TSHR: variants seen among roughly 807,000 people sequenced by gnomAD.
The protein encoded by TSHR is thyroid stimulating hormone receptor.
TSHR carries 51 observed loss-of-function variants against 64.1 expected under a neutral mutation model. The ratio of observed to expected loss-of-function variants is 0.80; its 90% CI spans 0.64 to 1.01. The LOEUF (loss-of-function observed/expected upper bound fraction) is 1.01, where lower values mean the gene tolerates loss of function less well. Ranked by LOEUF, TSHR falls within the 50% of genes least tolerant of loss-of-function variation. The pLI is 0.00. For synonymous variants in TSHR, 361 were observed against 361.9 expected (o/e 1.00, Z 0.03); for missense variants, 877 against 942.8 (o/e 0.93, Z 0.91).
chr14:80,994,670 T>G (rs572690999), intron 1 of TSHR: 17 of 152,338 alleles, frequency 1.1e-4, no homozygotes, highest in African/African-American at 3.6e-4. Context: ...GATATCTGGC[T>G]AGCCATATGC....
At chr14:81,020,450 C>A (rs1285644967) in intron 1 of TSHR, among the ~76,000 whole-genome samples, 1 of 152,170 alleles carries the variant, frequency 6.6e-6, no homozygotes, top group Non-Finnish European at 1.5e-5. Context: ...TCAGCAGTGG[C>A]ATTAGATTCT....
At chr14:81,127,759 T>C (rs947402172) in intron 8 of TSHR, among the ~76,000 whole-genome samples, 7 of 152,206 alleles carry the variant, frequency 4.6e-5, no homozygotes, top group Non-Finnish European at 8.8e-5. Context: ...ACGTGCCTTT[T>C]GCCTTTTGCC....
rs549979642 is a variant in TSHR at position 81,141,910 on chromosome 14, G to A, written c.882-1030G>A. Among the ~76,000 whole-genome samples, 5 of 152,246 alleles carry A rather than the reference G, an allele frequency of 3.3e-5. No homozygotes were observed. In the East Asian group the frequency reaches 9.6e-4, roughly 29 times the overall value. On this transcript the variant is annotated intron_variant, in intron 9 of 9. Coordinates refer to ENST00000298171, the MANE Select transcript of TSHR (RefSeq NM_000369.5). Reference sequence around the variant, plus strand: ...CCATATGGCACTCACAAAGCTGCAGGTGCTATTGTAAGAGCCTTAAAAAGA... The same window carrying A: ...CCATATGGCACTCACAAAGCTGCAGATGCTATTGTAAGAGCCTTAAAAAGA...
intron 1 of TSHR, among the ~76,000 whole-genome samples, chr14:80,986,398 A>C (rs1888448203): frequency 6.6e-6 from 1 of 152,210 alleles, no homozygotes; most frequent in African/African-American, 2.4e-5. Context: ...GGCTTTCTCT[A>C]ACTTTTCTCA....
At chr14:81,126,608 T>C (rs778216044) in intron 8 of TSHR, among the ~76,000 whole-genome samples, 2 of 152,232 alleles carry the variant, frequency 1.3e-5, no homozygotes, top group African/African-American at 2.4e-5. Context: ...AAAAGAATTT[T>C]TGCTGAGAAT....
chr14:81,087,450 G>T, intron 3 of TSHR: 1 of 188,914 alleles, frequency 5.3e-6, no homozygotes, highest in Non-Finnish European at 1.1e-5. Context: ...AAACCCAAGT[G>T]AACTGTGAAG....
intron 1 of TSHR, among the ~76,000 whole-genome samples, chr14:80,960,475 A>C (rs1236270988): frequency 2.0e-5 from 3 of 152,180 alleles, no homozygotes; most frequent in Non-Finnish European, 4.4e-5. Context: ...CTCCTCTCCC[A>C]TACATATGAA....
At chr14:81,036,585 A>G (rs192816043) in intron 1 of TSHR, among the ~76,000 whole-genome samples, 2 of 152,314 alleles carry the variant, frequency 1.3e-5, no homozygotes, top group African/African-American at 4.8e-5. Context: ...CCAGCCATAT[A>G]AGAAATGCTA....
chr14:81,062,731 C>G (rs920871537), intron 2 of TSHR, among the ~76,000 whole-genome samples: 1 of 152,058 alleles, frequency 6.6e-6, no homozygotes, highest in Non-Finnish European at 1.5e-5. Context: ...TATCCACTTA[C>G]AGTAAGGAGA....
chr14:81,061,877 C>T (rs572764197), intron 1 of TSHR, among the ~76,000 whole-genome samples: 3 of 152,048 alleles, frequency 2.0e-5, no homozygotes, highest in East Asian at 1.9e-4. Flanking sequence ...AAGTGTGATG[C>T]GAGGCAAGAC....
intron 8 of TSHR, among the ~76,000 whole-genome samples, chr14:81,112,199 G>A (rs917983): frequency 0.58 from 88,572 of 151,996 alleles, 26,619 homozygotes; most frequent in Middle Eastern, 0.71. Context: ...CTCATCTGTC[G>A]AAACAGGATA....
intron 3 of TSHR, among the ~76,000 whole-genome samples, chr14:81,081,287 T>C (rs1450825200): frequency 6.6e-6 from 1 of 152,202 alleles, no homozygotes; most frequent in Non-Finnish European, 1.5e-5. Context: ...TGTATATATA[T>C]ATACTTAACA....
intron 1 of TSHR, among the ~76,000 whole-genome samples, chr14:80,967,767 G>A (rs984992499): frequency 2.1e-4 from 32 of 152,172 alleles, no homozygotes; most frequent in Admixed American, 1.9e-3. Flanking sequence ...GTAAAAGAGA[G>A]GAGTCAGTGA....
chr14:81,099,482 C>G (rs1889433658), intron 7 of TSHR: 1 of 152,038 alleles, frequency 6.6e-6, no homozygotes, highest in African/African-American at 2.4e-5. Context: ...CTTCTTAGCT[C>G]AATCTATTAA....
At chr14:81,137,403 C>T (rs1891498487) in intron 8 of TSHR, among the ~76,000 whole-genome samples, 1 of 152,182 alleles carries the variant, frequency 6.6e-6, no homozygotes, top group African/African-American at 2.4e-5. Context: ...GTCCTCTGCC[C>T]TTGAATTTGA....
At chr14:81,027,686 G>C (rs1190621983) in intron 1 of TSHR, among the ~76,000 whole-genome samples, 1 of 152,036 alleles carries the variant, frequency 6.6e-6, no homozygotes, top group African/African-American at 2.4e-5. Context: ...ACCTACATGA[G>C]CTTTAAAAAA....
intron 1 of TSHR, among the ~76,000 whole-genome samples, chr14:80,980,176 C>T (rs1420907139): frequency 6.6e-6 from 1 of 152,200 alleles, no homozygotes; most frequent in Non-Finnish European, 1.5e-5. Context: ...GTCATTCACT[C>T]TGCTGCTCTT....
intron 6 of TSHR, 127 bp from the exon 7 acceptor site, chr14:81,096,512 C>A: frequency 1.2e-6 from 1 of 863,426 alleles, no homozygotes; most frequent in African/African-American, 1.7e-5. Context: ...TTGTGGGATA[C>A]ATATGTGGGA....
chr14:80,985,105 C>T (rs1594919079), intron 1 of TSHR, among the ~76,000 whole-genome samples: 2 of 152,064 alleles, frequency 1.3e-5, no homozygotes, highest in South Asian at 4.1e-4. Context: ...AAAAAATTAG[C>T]CGGGTGTGGT....
Sources: gnomAD v4.1 joint callset for allele counts (sites outside exome capture counted in the v4.1 genomes callset) on GRCh38, gnomAD v4.1.1 for gene constraint, MANE v1.5 for transcripts, NCBI Gene and HGNC (gene_info 2026-07-23, HGNC 2026-07-21) for gene names.